RIPOR3: variants seen among roughly 807,000 people sequenced by gnomAD.
RIPOR3 encodes family with sequence similarity 65 member C.
RIPOR3 carries 95 observed loss-of-function variants against 114.3 expected under a neutral mutation model. That is an observed-to-expected ratio of 0.83 (90% CI 0.70 to 0.99). The LOEUF (loss-of-function observed/expected upper bound fraction) is 0.99, where lower values mean the gene tolerates loss of function less well. Among genes scored for constraint, RIPOR3 ranks in the 50% least tolerant of loss-of-function variants. The pLI is 0.00. For missense variants in RIPOR3, 1,252 were observed against 1,266.9 expected (o/e 0.99, Z 0.18); for synonymous variants, 575 against 543.8 (o/e 1.06, Z -0.80).
rs754502193 is a variant in RIPOR3, at chr20:50,597,622, G to T, written c.1748C>A (p.Ala583Asp). 2.5e-6 allele frequency: 4 copies of T among 1,611,548 alleles called. No homozygotes were observed. The Admixed American group carries it at 5.0e-5, about 20-fold the overall frequency. The change falls in exon 14 of 22, where the codon GCC becomes GAC. Residue 583 changes from alanine (A) to aspartate (D), a missense_variant. Transcript: ENST00000327979. The part of the protein sequence containing the change: ...ESFAFLNADF[A>D]LDELSLFGGS... ...CCCAAACAGGGACAGCTCATCCAGG[G>T]CGAAGTCGGCATTGAGGAAGGCGAA... is the stretch of plus-strand genomic sequence containing the variant.
At chr20:50,681,889 C>T (rs1396920382) in intron 1 of RIPOR3, among the ~76,000 whole-genome samples, 1 of 152,230 alleles carries the variant, frequency 6.6e-6, no homozygotes, top group Non-Finnish European at 1.5e-5. Flanking sequence ...AAACACGCAG[C>T]CCATTCAAGG....
intron 1 of RIPOR3, among the ~76,000 whole-genome samples, chr20:50,685,583 G>A (rs1232115778): frequency 1.3e-5 from 2 of 151,380 alleles, no homozygotes; most frequent in East Asian, 4.0e-4. Context: ...CAGCATTTTG[G>A]GAGGCCAAGG....
At chr20:50,670,763 G>C (rs2086449511) in intron 1 of RIPOR3, among the ~76,000 whole-genome samples, 2 of 152,124 alleles carry the variant, frequency 1.3e-5, no homozygotes, top group South Asian at 4.1e-4. Flanking sequence ...TCTGGGACTG[G>C]GGAAGAACAA....
chr20:50,638,216 G>A (rs2085058701), intron 1 of RIPOR3, among the ~76,000 whole-genome samples: 1 of 152,206 alleles, frequency 6.6e-6, no homozygotes, highest in Non-Finnish European at 1.5e-5. Flanking sequence ...CACACAATGA[G>A]TGCCCTGATT....
chr20:50,643,150 T>A (rs1306317821), intron 1 of RIPOR3, among the ~76,000 whole-genome samples: 2 of 143,260 alleles, frequency 1.4e-5, no homozygotes, highest in African/African-American at 5.4e-5. Context: ...TGAGATGGAG[T>A]CTCGCTCTGT....
intron 2 of RIPOR3, 126 bp downstream of exon 2, chr20:50,630,612 G>T: frequency 2.9e-6 from 2 of 679,680 alleles, no homozygotes; most frequent in Non-Finnish European, 5.0e-6. Flanking sequence ...TCTCTCTCGG[G>T]CTGCAAGCCG....
chr20:50,602,053 C>CCA lies in RIPOR3; in HGVS notation c.1659+18_1659+19insTG. 1 of 1,484,110 alleles carries CCA rather than the reference C, an allele frequency of 6.7e-7. No individual in the cohort carries two copies. The highest frequency in any genetic ancestry group is 8.9e-7 in the Non-Finnish European group (1 of 1,119,426). 91.9% of individuals were successfully genotyped at this position (1,484,110 alleles called of 1,614,324 possible). On this transcript the variant is annotated intron_variant, in intron 13 of 21. Coordinates refer to ENST00000327979, the MANE Select transcript of RIPOR3 (RefSeq NM_001290268.2). This position sits in a 1 kb window ranked among gnomAD's most constrained non-coding sequence, Gnocchi z 4.3. ...CCATCAGCAAAGCAGGGCCACCGCC[C>CCA]GGGGCGGGGTGGCCATACCTTCAGC...
chr20:50,589,243 A>G (rs1310260206), intron 20 of RIPOR3, among the ~76,000 whole-genome samples: 2 of 152,016 alleles, frequency 1.3e-5, no homozygotes, highest in African/African-American at 2.4e-5. Context: ...CAGAATGTCA[A>G]CCATTGTTTC....
Position 50,594,628 on chromosome 20 carries a change from T to C in RIPOR3, c.2137A>G (p.Thr713Ala), listed in dbSNP as rs1568821052. 6.2e-7 allele frequency: 1 copy of C among 1,613,968 alleles called. No individual in the cohort carries two copies. The change falls in exon 17 of 22, where the codon ACG (threonine) becomes GCG (alanine). Residue 713 changes from threonine to alanine, a missense_variant. By Grantham distance (58) the Thr-to-Ala change is moderately conservative. Coordinates refer to ENST00000327979, the MANE Select transcript of RIPOR3 (RefSeq NM_001290268.2). The stretch of plus-strand genomic sequence containing the variant: ...TTCTTGAGCTGGTTCAGCAGCGTCG[T>C]GGCAGGGCAGGACAGGACCCTGCCA... ...GPGRVLSCPA[T>A]TLLNQLKKTF...
intron 17 of RIPOR3, among the ~76,000 whole-genome samples, chr20:50,593,723 G>A (rs2083189851): frequency 6.6e-6 from 1 of 152,122 alleles, no homozygotes; most frequent in Admixed American, 6.5e-5. Flanking sequence ...CATGCCCTGG[G>A]CCCCACACCA....
Position 50,618,270 on chromosome 20 carries a change from C to CAAAAA in RIPOR3, c.269+1711_269+1715dup, listed in dbSNP as rs61215608. Among the ~76,000 whole-genome samples the CAAAAA allele has an allele frequency of 7.6e-3, 515 of 67,370 alleles. 46 individuals carry two copies. The highest frequency in any genetic ancestry group is 0.024 in the African/African-American group (338 of 13,958). 44.2% of individuals were successfully genotyped at this position (67,370 alleles called of 152,430 possible). On this transcript the variant is annotated intron_variant, in intron 3 of 21. Coordinates refer to ENST00000327979, the MANE Select transcript of RIPOR3 (RefSeq NM_001290268.2). ...TGGGTGACAGAGTGAGACTCCGTCTCAAAAAAAAAAAAAAAAAAAAAAAAA... is the reference window on the plus strand; with the variant it reads ...TGGGTGACAGAGTGAGACTCCGTCTCAAAAAAAAAAAAAAAAAAAAAAAAAAAAAA...
chr20:50,615,116 T>A (rs2084118405), intron 4 of RIPOR3, among the ~76,000 whole-genome samples: 1 of 135,250 alleles, frequency 7.4e-6, no homozygotes, highest in Non-Finnish European at 1.7e-5. Flanking sequence ...TGAGTGTGTG[T>A]GTGTGTGTGT....
At position 50,587,332 on chromosome 20, in the gene RIPOR3, C is replaced by T. The variant is rs2082951761; in HGVS notation, c.2753G>A (p.Gly918Asp). The T allele has an allele frequency of 6.2e-7, 1 of 1,613,538 alleles. No individual in the cohort carries two copies. Among genetic ancestry groups the T allele is most frequent in the African/African-American group, 1.3e-5 (1 of 74,948 alleles). ...AAARETTLSF[G>D]EKGRLAFEKM... ...CTCAAAAGCTAACCGTCCTTTTTCA[C>T]CTGAAATAGCAAAGGGACCTGTCAG... is the stretch of plus-strand genomic sequence containing the variant. The change falls in exon 22 of 22, where the codon GGT (glycine) becomes GAT (aspartate). Residue 918 changes from glycine (G) to aspartate (D), a missense_variant and splice_region_variant. Coordinates refer to ENST00000327979, the MANE Select transcript of RIPOR3 (RefSeq NM_001290268.2).
intron 20 of RIPOR3, among the ~76,000 whole-genome samples, chr20:50,588,499 A>G (rs1001536549): frequency 2.0e-5 from 3 of 152,222 alleles, no homozygotes; most frequent in African/African-American, 7.2e-5. Flanking sequence ...GCATCCCCTC[A>G]CATCCATGGG....
chr20:50,658,026 A>G (rs1244027872), intron 1 of RIPOR3, among the ~76,000 whole-genome samples: 3 of 152,000 alleles, frequency 2.0e-5, no homozygotes, highest in Non-Finnish European at 4.4e-5. Flanking sequence ...CGGCCTCCCA[A>G]AGTACTGGGA....
chr20:50,615,108 A>AGAGAGTGTGT, intron 4 of RIPOR3, among the ~76,000 whole-genome samples: 1 of 138,514 alleles, frequency 7.2e-6, no homozygotes, highest in East Asian at 2.2e-4. Flanking sequence ...GCTATTTGTG[A>AGAGAGTGTGT]GTGTGTGTGT....
chr20:50,636,525 A>C, intron 1 of RIPOR3: 5 of 980,590 alleles, frequency 5.1e-6, no homozygotes, highest in Non-Finnish European at 6.1e-6. Flanking sequence ...CAGTGCAGAG[A>C]CCCTGCTGGG....
intron 19 of RIPOR3, among the ~76,000 whole-genome samples, chr20:50,591,333 T>C (rs1054341257): frequency 2.6e-5 from 4 of 152,228 alleles, no homozygotes; most frequent in East Asian, 1.9e-4. Flanking sequence ...TTGACACATA[T>C]AGTTAACTAT....
rs2086781815 is a variant in RIPOR3 at position 50,679,233 on chromosome 20, T to C, written c.3+11893A>G. 6.3e-5 allele frequency among the ~76,000 whole-genome samples: 9 copies of C among 143,428 alleles called. 1 individual carries two copies. The highest frequency in any genetic ancestry group is 2.3e-4 in the African/African-American group (9 of 39,012). The allele number at this position is 143,428 out of a possible 152,430, so 94.1% of individuals were successfully genotyped here. A position where few individuals can be genotyped will look rare whatever the true frequency, so the allele number is the denominator to read the frequency against. ...CCTCAAAAAATATATATATAATATT[T>C]AAAAATATATAAAATGAGGGTGCCA... On this transcript the variant is annotated intron_variant, in intron 1 of 21. Transcript: ENST00000327979.
Sources: allele counts gnomAD v4.1 joint callset (sites outside exome capture counted in the v4.1 genomes callset), GRCh38; gene constraint gnomAD v4.1.1; non-coding constraint Gnocchi (gnomAD v3.1); transcripts MANE v1.5; gene names NCBI Gene and HGNC (gene_info 2026-07-23, HGNC 2026-07-21).